Variants in TCAF1 observed in about 807,000 individuals in gnomAD.
TCAF1 encodes TRPM8 channel associated factor 1.
In TCAF1, 4 loss-of-function variants were observed where a neutral mutation model predicts 27.3. The ratio of observed to expected loss-of-function variants is 0.15; its 90% CI spans 0.07 to 0.34. TCAF1 has a LOEUF of 0.34. Ranked by LOEUF, TCAF1 falls within the 10% of genes least tolerant of loss-of-function variation. TCAF1 has a pLI of 1.00. For synonymous variants in TCAF1, 105 were observed against 167.1 expected, an observed-to-expected ratio of 0.63 and a Z score of 2.87; for missense variants, 257 against 425.8, an observed-to-expected ratio of 0.60 and a Z score of 3.49.
chr7:143,874,561 T>C lies in TCAF1; in HGVS notation c.620+1428A>G, dbSNP rs1381876306. ...TATGACCATTTGTACGGCGTTCTTTTCTATGCATCTCTGATGACTTTGTGA... is the reference window on the plus strand; with the variant it reads ...TATGACCATTTGTACGGCGTTCTTTCCTATGCATCTCTGATGACTTTGTGA... On this transcript the variant is annotated intron_variant, in intron 2 of 8. Transcript: ENST00000479870. Among the ~76,000 whole-genome samples the C allele has an allele frequency of 2.8e-5, 4 of 143,026 alleles. No individual in the cohort carries two copies. In the East Asian group the frequency reaches 8.3e-4, roughly 30 times the overall value. The allele number at this position is 143,026 out of a possible 152,430, so 93.8% of individuals were successfully genotyped here. A position where few individuals can be genotyped will look rare whatever the true frequency, so the allele number is the denominator to read the frequency against.
At chr7:143,899,636 A>C (rs1035978062) in intron 1 of TCAF1, among the ~76,000 whole-genome samples, 1 of 152,230 alleles carries the variant, frequency 6.6e-6, no homozygotes, top group Non-Finnish European at 1.5e-5. Flanking sequence ...ATTAAATTCA[A>C]AACTTAGATT....
At chr7:143,887,134 G>A (rs903194007) in intron 1 of TCAF1, among the ~76,000 whole-genome samples, 3 of 151,948 alleles carry the variant, frequency 2.0e-5, no homozygotes, top group Non-Finnish European at 2.9e-5. Context: ...CCTTTCTAAT[G>A]TTCTGCCTGG....
At chr7:143,871,368 A>G (rs1812455195) in intron 2 of TCAF1, among the ~76,000 whole-genome samples, 1 of 141,958 alleles carries the variant, frequency 7.0e-6, no homozygotes, top group East Asian at 2.0e-4. Context: ...CTGACTATAA[A>G]TGGATTGTAA....
At chr7:143,898,087 A>ATAT (rs1455097807) in intron 1 of TCAF1, among the ~76,000 whole-genome samples, 1 of 152,148 alleles carries the variant, frequency 6.6e-6, no homozygotes. Flanking sequence ...TATGTTGTTA[A>ATAT]TATAGTTAAA....
At chr7:143,882,720 G>C in intron 1 of TCAF1, 63 of 981,646 alleles carry the variant, frequency 6.4e-5, no homozygotes, top group Non-Finnish European at 7.6e-5. Context: ...CCAGGCTTTT[G>C]GAGAGGGCCA....
chr7:143,900,942 T>C (rs1814086403), intron 1 of TCAF1, among the ~76,000 whole-genome samples: 1 of 152,188 alleles, frequency 6.6e-6, no homozygotes, highest in African/African-American at 2.4e-5. Context: ...GTTTTAGGAA[T>C]ACACACACAA....
chr7:143,882,628 C>A (rs1476772668), intron 1 of TCAF1: 4 of 985,272 alleles, frequency 4.1e-6, no homozygotes, highest in Non-Finnish European at 4.8e-6. Context: ...GCGCCCCGCA[C>A]CCCCGCCCCG....
At chr7:143,898,752 T>C (rs1292798535) in intron 1 of TCAF1, among the ~76,000 whole-genome samples, 1 of 152,158 alleles carries the variant, frequency 6.6e-6, no homozygotes, top group East Asian at 1.9e-4. Flanking sequence ...CCCAAAATAA[T>C]TTATAGAGTG....
At chr7:143,874,591 A>G (rs2116764123) in intron 2 of TCAF1, among the ~76,000 whole-genome samples, 1 of 148,368 alleles carries the variant, frequency 6.7e-6, no homozygotes, top group East Asian at 2.0e-4. Flanking sequence ...TTGTGAACAT[A>G]CAGAGATCAC....
intron 1 of TCAF1, among the ~76,000 whole-genome samples, chr7:143,883,497 TTTC>T (rs1408852738): frequency 1.1e-3 from 131 of 117,028 alleles, no homozygotes; most frequent in African/African-American, 3.5e-3. Context: ...TTCTTTCCTT[TTTC>T]TTTTTTTTTT....
At chr7:143,874,813 T>C (rs1191919017) in intron 2 of TCAF1, among the ~76,000 whole-genome samples, 2 of 152,326 alleles carry the variant, frequency 1.3e-5, no homozygotes, top group Non-Finnish European at 2.9e-5. Context: ...CCAAGTCTTG[T>C]AATTGGAGAT....
At chr7:143,878,458 G>T (rs564235844) in intron 1 of TCAF1, among the ~76,000 whole-genome samples, 338 of 152,290 alleles carry the variant, frequency 2.2e-3, no homozygotes, top group Admixed American at 3.6e-3. Context: ...CCTTCCACAA[G>T]CCAGGATAAA....
At chr7:143,885,008 AC>A in intron 1 of TCAF1, 1 of 985,166 alleles carries the variant, frequency 1.0e-6, no homozygotes, top group African/African-American at 1.7e-5. Context: ...TGGACCCAAA[AC>A]CCAAGGGGGT....
At chr7:143,894,643 G>A (rs1403702069) in intron 1 of TCAF1, among the ~76,000 whole-genome samples, 3 of 151,710 alleles carry the variant, frequency 2.0e-5, no homozygotes, top group African/African-American at 7.2e-5. Flanking sequence ...TGACCTAGAG[G>A]TAGGCAAAAT....
chr7:143,882,309 G>A (rs1454734956), intron 1 of TCAF1, among the ~76,000 whole-genome samples: 1 of 152,106 alleles, frequency 6.6e-6, no homozygotes, highest in Non-Finnish European at 1.5e-5. Flanking sequence ...AAGGGCAGTA[G>A]GACAGTAGGC....
chr7:143,885,224 A>C, intron 1 of TCAF1: 1 of 985,524 alleles, frequency 1.0e-6, no homozygotes, highest in Non-Finnish European at 1.2e-6. Context: ...TCGTCCAGCA[A>C]TTTCCACACC....
chr7:143,882,840 C>T, intron 1 of TCAF1: 1 of 985,632 alleles, frequency 1.0e-6, no homozygotes, highest in Non-Finnish European at 1.2e-6. Context: ...ACTGGGCGAC[C>T]GAGCCGGGAT....
At chr7:143,883,026 C>A (rs1329345115) in intron 1 of TCAF1, 2 of 214,608 alleles carry the variant, frequency 9.3e-6, no homozygotes, top group African/African-American at 2.4e-5. Context: ...CTTAGGGACG[C>A]CTGGAGACCC....
At chr7:143,866,221 GCATA>G (rs1228043013) in intron 2 of TCAF1, among the ~76,000 whole-genome samples, 2 of 11,142 alleles carry the variant, frequency 1.8e-4, no homozygotes, top group Non-Finnish European at 4.4e-4. Flanking sequence ...AGTAGGTATT[GCATA>G]TCATCAGAAA....
Sources: allele counts gnomAD v4.1 joint callset (sites outside exome capture counted in the v4.1 genomes callset), GRCh38; gene constraint gnomAD v4.1.1; transcripts MANE v1.5; gene names NCBI Gene and HGNC (gene_info 2026-07-23, HGNC 2026-07-21).